Variants in ZZZ3 observed in about 807,000 individuals in gnomAD.
ZZZ3 encodes ZZ-type zinc finger-containing protein 3.
Under a neutral mutation model 95.2 loss-of-function variants are expected in ZZZ3, and 22 were observed. The ratio of observed to expected loss-of-function variants is 0.23; its 90% confidence interval spans 0.17 to 0.33. The LOEUF (loss-of-function observed/expected upper bound fraction) is 0.33, where lower values mean the gene tolerates loss of function less well. Among genes scored for constraint, ZZZ3 ranks in the 10% least tolerant of loss-of-function variants. The pLI, the probability that ZZZ3 is intolerant of heterozygous loss-of-function variation, is 1.00. For synonymous variants in ZZZ3, 335 were observed against 358.9 expected (o/e 0.93, Z 0.75); for missense variants, 885 against 1,066.5 (o/e 0.83, Z 2.37).
intron 1 of ZZZ3, among the ~76,000 whole-genome samples, chr1:77,658,178 C>CAAAA (rs1186224710): frequency 3.7e-4 from 28 of 76,288 alleles, no homozygotes; most frequent in African/African-American, 6.7e-4. Context: ...GACTTTGTCT[C>CAAAA]AAAAAAAAAA....
intron 1 of ZZZ3, among the ~76,000 whole-genome samples, chr1:77,675,776 C>A (rs1040843850): frequency 1.3e-5 from 2 of 151,838 alleles, no homozygotes; most frequent in African/African-American, 4.8e-5. Flanking sequence ...ACATAAATAC[C>A]TTTTTTCAAT....
At chr1:77,625,327 A>G (rs905373652) in intron 5 of ZZZ3, among the ~76,000 whole-genome samples, 1 of 152,198 alleles carries the variant, frequency 6.6e-6, no homozygotes, top group Non-Finnish European at 1.5e-5. Context: ...ACAATCAAAC[A>G]TCCCACACAC....
intron 1 of ZZZ3, among the ~76,000 whole-genome samples, chr1:77,676,354 GA>G (rs953020616): frequency 1.4e-4 from 22 of 152,332 alleles, no homozygotes; most frequent in African/African-American, 5.3e-4. Context: ...TTTTTGTAGA[GA>G]CGAGGTCACA....
At chr1:77,640,514 C>T (rs904053742) in intron 3 of ZZZ3, among the ~76,000 whole-genome samples, 1 of 151,002 alleles carries the variant, frequency 6.6e-6, no homozygotes, top group Admixed American at 6.6e-5. Context: ...GCAGGAGAAT[C>T]GCTTGAACCT....
chr1:77,682,139 G>A (rs1444375241), intron 1 of ZZZ3, among the ~76,000 whole-genome samples: 1 of 152,126 alleles, frequency 6.6e-6, no homozygotes, highest in Non-Finnish European at 1.5e-5. Flanking sequence ...CTGAAAATAC[G>A]AAGTCAGGGT....
In ZZZ3 at chr1:77,602,084, G is replaced by A. The variant is rs566664199; in HGVS notation, c.1506-17429C>T. The stretch of plus-strand genomic sequence containing the variant: ...ACGTAAGAGAAACATGGAAGGTACA[G>A]GGCACCTGAGAGGCTCCCAACTATA... On this transcript the variant is annotated intron_variant, in intron 5 of 14. Coordinates refer to ENST00000370801, the MANE Select transcript of ZZZ3 (RefSeq NM_015534.6). Among the ~76,000 whole-genome samples the A allele has an allele frequency of 6.6e-5, 10 of 152,294 alleles. No individual in the cohort carries two copies. In the South Asian group the frequency reaches 1.0e-3, roughly 16 times the overall value.
At chr1:77,644,616 C>T (rs1313834099) in intron 1 of ZZZ3, among the ~76,000 whole-genome samples, 1 of 152,136 alleles carries the variant, frequency 6.6e-6, no homozygotes, top group Non-Finnish European at 1.5e-5. Context: ...ATAATTATTT[C>T]GCCATGAGCA....
intron 5 of ZZZ3, among the ~76,000 whole-genome samples, chr1:77,596,395 A>AT (rs1557710303): frequency 1.3e-5 from 2 of 152,106 alleles, no homozygotes; most frequent in East Asian, 1.9e-4. Flanking sequence ...AGCAAAGGGA[A>AT]TTTTTTTTCA....
chr1:77,576,547 T>C (rs995734843), intron 11 of ZZZ3, among the ~76,000 whole-genome samples: 9 of 152,166 alleles, frequency 5.9e-5, no homozygotes, highest in African/African-American at 2.2e-4. Flanking sequence ...GATCATCTTA[T>C]AGAAGATCAG....
chr1:77,620,062 C>T (rs993234200), intron 5 of ZZZ3, among the ~76,000 whole-genome samples: 19 of 151,982 alleles, frequency 1.3e-4, no homozygotes, highest in Non-Finnish European at 2.6e-4. Flanking sequence ...CAACACAGCA[C>T]ACAAGGAGCA....
At chr1:77,616,453 G>A (rs1372541685) in intron 5 of ZZZ3, among the ~76,000 whole-genome samples, 1 of 152,212 alleles carries the variant, frequency 6.6e-6, no homozygotes, top group African/African-American at 2.4e-5. Flanking sequence ...ATCTGGCACT[G>A]TGTTTAAAAA....
At chr1:77,644,759 T>C (rs774597010) in intron 1 of ZZZ3, among the ~76,000 whole-genome samples, 8 of 152,216 alleles carry the variant, frequency 5.3e-5, no homozygotes, top group Non-Finnish European at 8.8e-5. Context: ...TCCCAAATTT[T>C]AGTGTGTCTA....
At chr1:77,607,750 T>C (rs932924511) in intron 5 of ZZZ3, among the ~76,000 whole-genome samples, 1 of 151,878 alleles carries the variant, frequency 6.6e-6, no homozygotes, top group African/African-American at 2.4e-5. Context: ...GGTGAAACCT[T>C]ATCTCTCCTA....
intron 1 of ZZZ3, among the ~76,000 whole-genome samples, chr1:77,643,676 T>TA (rs1297915451): frequency 1.3e-5 from 2 of 152,230 alleles, no homozygotes; most frequent in Admixed American, 1.3e-4. Context: ...ACTACTGTGT[T>TA]AAATAGATTA....
intron 9 of ZZZ3, 50 bp downstream of exon 9, chr1:77,580,948 A>T: frequency 6.7e-7 from 1 of 1,488,774 alleles, no homozygotes; most frequent in Non-Finnish European, 9.4e-7. Flanking sequence ...CTCTGATGTT[A>T]ACTGTTTACT....
At chr1:77,611,920 T>C (rs994633743) in intron 5 of ZZZ3, among the ~76,000 whole-genome samples, 15 of 151,938 alleles carry the variant, frequency 9.9e-5, no homozygotes, top group African/African-American at 3.6e-4. Flanking sequence ...GTGTTGGCAA[T>C]GATTTTTTGG....
chr1:77,611,116 T>C (rs1665750018), intron 5 of ZZZ3, among the ~76,000 whole-genome samples: 1 of 151,070 alleles, frequency 6.6e-6, no homozygotes, highest in South Asian at 2.1e-4. Flanking sequence ...AATTTAGTAT[T>C]AGTTAAGTTG....
chr1:77,626,641 CCT>C (rs1667362097), intron 5 of ZZZ3, among the ~76,000 whole-genome samples: 1 of 152,108 alleles, frequency 6.6e-6, no homozygotes, highest in African/African-American at 2.4e-5. Context: ...GTTGGGGACC[CCT>C]GTTTTAGAAA....
intron 5 of ZZZ3, among the ~76,000 whole-genome samples, chr1:77,630,695 A>G (rs1408897002): frequency 1.3e-5 from 2 of 152,234 alleles, no homozygotes; most frequent in Non-Finnish European, 2.9e-5. Flanking sequence ...ATATTAAGAT[A>G]GTATTTCAAA....
Sources: allele counts gnomAD v4.1 joint callset (sites outside exome capture counted in the v4.1 genomes callset), GRCh38; gene constraint gnomAD v4.1.1; transcripts MANE v1.5; gene names NCBI Gene and HGNC (gene_info 2026-07-23, HGNC 2026-07-21).